TRHDE: variants seen among roughly 807,000 people sequenced by gnomAD.
TRHDE encodes the protein thyrotropin-releasing hormone-degrading ectoenzyme.
Under a neutral mutation model 125.7 loss-of-function variants are expected in TRHDE, and 72 were observed. That is an observed-to-expected ratio of 0.57 (90% CI 0.47 to 0.70). The LOEUF (loss-of-function observed/expected upper bound fraction) is 0.70, where lower values mean the gene tolerates loss of function less well. Ranked by LOEUF, TRHDE falls within the 30% of genes least tolerant of loss-of-function variation. The probability of loss-of-function intolerance (pLI) is 0.00; values close to 1 mark genes in which losing one functional copy is unlikely to be tolerated. For synonymous variants in TRHDE, 509 were observed against 509.1 expected (o/e 1.00, Z 0.00); for missense variants, 1,110 against 1,327.1 (o/e 0.84, Z 2.54).
chr12:72,209,589 G>A (rs1877733889), intron 2 of TRHDE, among the ~76,000 whole-genome samples: 1 of 152,108 alleles, frequency 6.6e-6, no homozygotes, highest in Non-Finnish European at 1.5e-5. Context: ...GATGATTTTG[G>A]ATCATCTAAT....
At chr12:72,557,547 C>A (rs1387159661) in intron 7 of TRHDE, among the ~76,000 whole-genome samples, 4 of 152,148 alleles carry the variant, frequency 2.6e-5, no homozygotes, top group Admixed American at 2.6e-4. Context: ...TCTATCCTAG[C>A]ATGCTAAAAG....
chr12:72,198,413 A>G (rs1877486964), intron 2 of TRHDE, among the ~76,000 whole-genome samples: 1 of 152,112 alleles, frequency 6.6e-6, no homozygotes, highest in South Asian at 2.1e-4. Flanking sequence ...ATTATACTAT[A>G]TTGTTCACTT....
At chr12:72,316,004 G>A (rs1868783390) in intron 2 of TRHDE, among the ~76,000 whole-genome samples, 1 of 152,134 alleles carries the variant, frequency 6.6e-6, no homozygotes, top group African/African-American at 2.4e-5. Context: ...GCTGCGGATT[G>A]AGGCCTGGCC....
chr12:72,250,174 AG>A (rs1878649999), intron 2 of TRHDE, among the ~76,000 whole-genome samples: 1 of 152,222 alleles, frequency 6.6e-6, no homozygotes, highest in Non-Finnish European at 1.5e-5. Context: ...GGAACTTTTT[AG>A]GGTGATGGAA....
At chr12:72,344,533 T>A (rs962627558) in intron 2 of TRHDE, among the ~76,000 whole-genome samples, 5 of 152,144 alleles carry the variant, frequency 3.3e-5, no homozygotes, top group Non-Finnish European at 5.9e-5. Flanking sequence ...TTTAAACTGC[T>A]GAGTCCTACC....
intron 15 of TRHDE, among the ~76,000 whole-genome samples, chr12:72,632,984 A>G (rs1054097702): frequency 6.6e-6 from 1 of 152,042 alleles, no homozygotes; most frequent in African/African-American, 2.4e-5. Context: ...TATTTTATAA[A>G]GTGATCTTAT....
rs757637722 is a variant in TRHDE, at chr12:72,619,058, C to T, written c.2469+20C>T. The T allele has an allele frequency of 6.6e-7, 1 of 1,509,388 alleles. No homozygotes were observed. Among genetic ancestry groups the T allele is most frequent in the Non-Finnish European group, 8.9e-7 (1 of 1,127,672 alleles). 93.5% of individuals were successfully genotyped at this position (1,509,388 alleles called of 1,614,324 possible). A position where few individuals can be genotyped will look rare whatever the true frequency, so the allele number is the denominator to read the frequency against. On this transcript the variant is annotated intron_variant, in intron 13 of 18. Coordinates refer to ENST00000261180, the MANE Select transcript of TRHDE (RefSeq NM_013381.3). ...TTCAATGTAAAAAGATATAATTTTT[C>T]TTTCTAATTTTTAGAAGATACACTA...
intron 2 of TRHDE, among the ~76,000 whole-genome samples, chr12:72,250,434 A>G (rs1878656575): frequency 1.3e-5 from 2 of 152,158 alleles, no homozygotes; most frequent in East Asian, 3.9e-4. Flanking sequence ...GAGTCAGATA[A>G]TCCAGCTTTG....
chr12:72,109,089 T>C (rs528449514), intron 2 of TRHDE, among the ~76,000 whole-genome samples: 2 of 152,206 alleles, frequency 1.3e-5, no homozygotes, highest in South Asian at 2.1e-4. Flanking sequence ...AATTATCATG[T>C]AGTCATTCAA....
At chr12:72,533,723 G>GTTTTTTTTTTTTTTTTGT in intron 6 of TRHDE, among the ~76,000 whole-genome samples, 1 of 97,896 alleles carries the variant, frequency 1.0e-5, no homozygotes, top group Non-Finnish European at 2.3e-5. Flanking sequence ...TTTTCTATTT[G>GTTTTTTTTTTTTTTTTGT]TTTTTTTTTT....
intron 2 of TRHDE, among the ~76,000 whole-genome samples, chr12:72,245,807 A>T (rs2139383690): frequency 6.6e-6 from 1 of 152,234 alleles, no homozygotes; most frequent in East Asian, 1.9e-4. Flanking sequence ...TTTTTCCCAC[A>T]TCATATTCCT....
At chr12:72,389,207 C>A (rs977529824) in intron 3 of TRHDE, among the ~76,000 whole-genome samples, 2 of 151,988 alleles carry the variant, frequency 1.3e-5, no homozygotes, top group Non-Finnish European at 2.9e-5. Flanking sequence ...TAATGCATTG[C>A]TGAAGTGGTG....
intron 3 of TRHDE, among the ~76,000 whole-genome samples, chr12:72,468,019 A>T (rs1226837610): frequency 6.6e-6 from 1 of 152,234 alleles, no homozygotes; most frequent in African/African-American, 2.4e-5. Context: ...ATTATTATTA[A>T]AAACATCACT....
chr12:72,637,116 G>C (rs1309106951), intron 15 of TRHDE, among the ~76,000 whole-genome samples: 3 of 152,138 alleles, frequency 2.0e-5, no homozygotes, highest in African/African-American at 4.8e-5. Flanking sequence ...GAATTCGGCT[G>C]TGAATCCATC....
intron 2 of TRHDE, among the ~76,000 whole-genome samples, chr12:72,134,025 T>C (rs115819601): frequency 1.4e-4 from 21 of 152,206 alleles, no homozygotes; most frequent in South Asian, 4.1e-4. Flanking sequence ...TTAGTTTGCC[T>C]GGTCCTGGGT....
At chr12:72,374,032 C>T (rs1192684831) in intron 2 of TRHDE, among the ~76,000 whole-genome samples, 1 of 152,000 alleles carries the variant, frequency 6.6e-6, no homozygotes, top group Non-Finnish European at 1.5e-5. Flanking sequence ...GACGAGGCAT[C>T]AGTAGGAAAA....
chr12:72,447,610 A>G (rs1460387031), intron 3 of TRHDE, among the ~76,000 whole-genome samples: 1 of 152,036 alleles, frequency 6.6e-6, no homozygotes, highest in Non-Finnish European at 1.5e-5. Context: ...ACTCTGATAC[A>G]CACTCATATT....
chr12:72,273,064 G>C lies in TRHDE; in HGVS notation c.421G>C (p.Ala141Pro). ...CGGCAACGGGAGCCTCCCTGGATCG[G>C]CCCGGCGCAACCACCACGCAGGCGG... The part of the protein sequence containing the change: ...RGGNGSLPGS[A>P]RRNHHAGGDS... The change falls in exon 1 of 19, where the codon GCC becomes CCC. Residue 141 changes from alanine (A) to proline (P), a missense_variant. Ala to Pro is a conservative substitution (Grantham distance 27). Around this residue, in one of 5 missense-constraint regions of TRHDE, gnomAD observed 248 missense variants for 240.8 expected, o/e 1.03. Transcript: ENST00000261180. The surrounding 1 kb of genome is among the most constrained non-coding windows in gnomAD (Gnocchi z 5.3). 1 of 1,527,294 alleles carries C rather than the reference G, an allele frequency of 6.5e-7. No individual in the cohort carries two copies. Among genetic ancestry groups the C allele is most frequent in the Non-Finnish European group, 8.8e-7 (1 of 1,139,964 alleles). 94.6% of individuals were successfully genotyped at this position (1,527,294 alleles called of 1,614,324 possible).
intron 12 of TRHDE, among the ~76,000 whole-genome samples, chr12:72,600,818 C>T (rs1427248090): frequency 1.3e-5 from 2 of 151,980 alleles, no homozygotes; most frequent in Admixed American, 6.6e-5. Context: ...ACTGTTGAGA[C>T]CTACTGCTCA....
Sources: allele counts gnomAD v4.1 joint callset (sites outside exome capture counted in the v4.1 genomes callset), GRCh38; gene constraint gnomAD v4.1.1; regional missense constraint gnomAD v4.1.1; non-coding constraint Gnocchi (gnomAD v3.1); transcripts MANE v1.5; gene names NCBI Gene and HGNC (gene_info 2026-07-23, HGNC 2026-07-21).